TNS1: variants seen among roughly 807,000 people sequenced by gnomAD.
The protein encoded by TNS1 is tensin-1.
TNS1 carries 62 observed loss-of-function variants against 168.6 expected under a neutral mutation model. The observed-to-expected ratio is 0.37, with a 90% confidence interval of 0.30 to 0.45. TNS1 has a LOEUF of 0.45. Ranked by LOEUF, TNS1 falls within the 20% of genes least tolerant of loss-of-function variation. TNS1 has a pLI of 1.00. For synonymous variants in TNS1, 934 were observed against 933.2 expected (o/e 1.00, Z -0.02); for missense variants, 2,240 against 2,339.4 (o/e 0.96, Z 0.88).
chr2:217,947,109 C>T (rs1957129430), intron 3 of TNS1, among the ~76,000 whole-genome samples: 1 of 152,032 alleles, frequency 6.6e-6, no homozygotes, highest in Admixed American at 6.6e-5. Context: ...CCATCCCCAG[C>T]CTCCTCCCCA....
chr2:217,939,966 G>A (rs558742522), intron 3 of TNS1, among the ~76,000 whole-genome samples: 6 of 152,374 alleles, frequency 3.9e-5, no homozygotes, highest in South Asian at 2.1e-4. Context: ...ACGGGAAAGC[G>A]CTCCAGACCA....
chr2:218,007,684 C>T (rs1021825206), upstream of TNS1, among the ~76,000 whole-genome samples: 50 of 151,882 alleles, frequency 3.3e-4, no homozygotes, highest in Non-Finnish European at 1.2e-4. Flanking sequence ...GAAGAGTCAG[C>T]GAGGAGAGAT....
intron 3 of TNS1, among the ~76,000 whole-genome samples, chr2:217,944,472 T>TGAC (rs955698675): frequency 6.6e-6 from 1 of 152,168 alleles, no homozygotes; most frequent in African/African-American, 2.4e-5. Context: ...GCTGAGATGG[T>TGAC]GATGATGATA....
intron 9 of TNS1, among the ~76,000 whole-genome samples, 199 bp from the exon 10 acceptor site, chr2:217,893,760 C>G (rs1197312952): frequency 6.6e-6 from 1 of 152,270 alleles, no homozygotes; most frequent in Admixed American, 6.5e-5. Context: ...TGACCCAGTA[C>G]TGGGGACCCT....
At chr2:217,885,349 T>C (rs147397144) in intron 15 of TNS1, among the ~76,000 whole-genome samples, 185 bp from the exon 16 acceptor site, 188 of 152,352 alleles carry the variant, frequency 1.2e-3, no homozygotes, top group Non-Finnish European at 2.4e-3. Flanking sequence ...CAGCAGAGAA[T>C]TGGAGGCCAG....
At chr2:217,924,827 A>C (rs927894641) in intron 3 of TNS1, among the ~76,000 whole-genome samples, 2 of 152,142 alleles carry the variant, frequency 1.3e-5, no homozygotes, top group African/African-American at 2.4e-5. Context: ...TGAAAGACAA[A>C]ATTTCTTGAG....
At chr2:217,885,325 G>A (rs1951092877) in intron 15 of TNS1, among the ~76,000 whole-genome samples, 161 bp from the exon 16 acceptor site, 1 of 152,190 alleles carries the variant, frequency 6.6e-6, no homozygotes, top group Admixed American at 6.5e-5. Flanking sequence ...AGTTCTGTGG[G>A]GAAACTTCTA....
chr2:218,012,781 C>T (rs572494504), upstream of TNS1, among the ~76,000 whole-genome samples: 2 of 152,336 alleles, frequency 1.3e-5, no homozygotes, highest in South Asian at 2.1e-4. Context: ...GGTCCCCAGA[C>T]CCTCCTGAAG....
chr2:217,832,290 G>C (rs1944552131), intron 21 of TNS1, among the ~76,000 whole-genome samples: 1 of 152,128 alleles, frequency 6.6e-6, no homozygotes, highest in African/African-American at 2.4e-5. Flanking sequence ...GCCCATCTGG[G>C]TTACAAGTGT....
chr2:218,021,916 G>A (rs1422336681), intron 1 of TNS1, among the ~76,000 whole-genome samples: 2 of 152,240 alleles, frequency 1.3e-5, no homozygotes, highest in Non-Finnish European at 2.9e-5. Context: ...GGGTGAAGGG[G>A]CACCGTGGCT....
In TNS1 at chr2:217,818,185, G is replaced by A. The variant is rs758700137; in HGVS notation, c.4147C>T (p.His1383Tyr). 9.3e-6 allele frequency: 15 copies of A among 1,613,674 alleles called. No individual in the cohort carries two copies. The South Asian group carries it at 1.5e-4, about 17-fold the overall frequency. Reference sequence around the variant, plus strand: ...AGACCGGAGGCCAGGTTGCCTTGGTGAGCCCCAGGGTGCCGGCCCAGGCTG... The same window carrying A: ...AGACCGGAGGCCAGGTTGCCTTGGTAAGCCCCAGGGTGCCGGCCCAGGCTG... ...SPSLGRHPGA[H>Y]QGNLASGLHS... The change falls in exon 24 of 33, where the codon CAC (histidine) becomes TAC (tyrosine). Residue 1383 changes from histidine (H) to tyrosine (Y), a missense_variant. His to Tyr is a moderately conservative substitution (Grantham distance 83). Transcript: ENST00000682258.
rs755506192 is a variant in TNS1 at position 217,818,245 on chromosome 2, G to T, written c.4087C>A (p.Leu1363Ile). 3 of 1,613,834 alleles carry T rather than the reference G, an allele frequency of 1.9e-6. No homozygotes were observed. The highest frequency in any genetic ancestry group is 2.5e-6 in the Non-Finnish European group (3 of 1,179,882). Residue 1363 changes from leucine (L) to isoleucine (I), a missense_variant, in exon 24 of 33, where the codon CTC (leucine) becomes ATC (isoleucine). Leu to Ile is a conservative substitution (Grantham distance 5). Around this residue, in one of 2 missense-constraint regions of TNS1, gnomAD observed 2,131 missense variants for 2,171.2 expected, o/e 0.98. Coordinates refer to ENST00000682258, the MANE Select transcript of TNS1 (RefSeq NM_001387777.1). ...GGGGTGGTGGCCACTTTGTTGTGGA[G>T]GCCAGAAACCTGGTAGACCCCTGCT... Reference protein sequence around the residue: ...HPAGVYQVSGLHNKVATTPGS... With the variant: ...HPAGVYQVSGIHNKVATTPGS...
At chr2:217,878,947 C>G (rs1191494897) in intron 18 of TNS1, among the ~76,000 whole-genome samples, 1 of 152,208 alleles carries the variant, frequency 6.6e-6, no homozygotes, top group East Asian at 1.9e-4. Context: ...CTAATCCATT[C>G]CCTCAGACAG....
chr2:217,920,109 A>G lies in TNS1; in HGVS notation c.228+86T>C, dbSNP rs187410170. Reference sequence around the variant, plus strand: ...ATTGTCCGACACCCCAGTTACCAACATATTTGGGTCTAAAGAAAGCTGCAG... The same window carrying G: ...ATTGTCCGACACCCCAGTTACCAACGTATTTGGGTCTAAAGAAAGCTGCAG... On this transcript the variant is annotated intron_variant, in intron 4 of 32. Coordinates refer to ENST00000682258, the MANE Select transcript of TNS1 (RefSeq NM_001387777.1). 7.0e-4 allele frequency: 491 copies of G among 702,152 alleles called. 4 individuals carry two copies. In the African/African-American group the frequency reaches 7.3e-3, roughly 10 times the overall value. The allele number at this position is 702,152 out of a possible 1,614,324, so 43.5% of individuals were successfully genotyped here.
chr2:217,982,585 G>A (rs961577282), intron 2 of TNS1, among the ~76,000 whole-genome samples: 4 of 151,834 alleles, frequency 2.6e-5, no homozygotes, highest in Admixed American at 2.6e-4. Flanking sequence ...TGCATTTTTT[G>A]TAGAGAGAGG....
intron 22 of TNS1, chr2:217,830,139 G>T: frequency 4.4e-6 from 2 of 458,546 alleles, no homozygotes; most frequent in Non-Finnish European, 5.7e-6. Context: ...CCGAGGCATA[G>T]TTGAGTCCCC....
chr2:217,893,078 T>C (rs1201014596), intron 10 of TNS1, 66 bp from the exon 11 acceptor site: 15 of 1,587,546 alleles, frequency 9.4e-6, no homozygotes, highest in Non-Finnish European at 1.3e-5. Context: ...AGAGCTTATC[T>C]AGAAGCCTTG....
At chr2:217,910,840 C>T (rs556701135) in intron 4 of TNS1, among the ~76,000 whole-genome samples, 3 of 152,086 alleles carry the variant, frequency 2.0e-5, no homozygotes, top group Non-Finnish European at 1.5e-5. Flanking sequence ...CCCCCTGTTT[C>T]ACACATGGGG....
At chr2:217,893,613 C>G in intron 9 of TNS1, 52 bp from the exon 10 acceptor site, 1 of 1,550,318 alleles carries the variant, frequency 6.5e-7, no homozygotes, top group Non-Finnish European at 8.7e-7. Flanking sequence ...CAGAGCCAAA[C>G]AAGCCAGCGG....
Sources: gnomAD v4.1 joint callset for allele counts (sites outside exome capture counted in the v4.1 genomes callset) on GRCh38, gnomAD v4.1.1 for gene constraint, gnomAD v4.1.1 regional missense constraint, MANE v1.5 for transcripts, NCBI Gene and HGNC (gene_info 2026-07-23, HGNC 2026-07-21) for gene names.